Variants in AUTS2 observed in about 807,000 individuals in gnomAD.
The protein encoded by AUTS2 is autism susceptibility gene 2 protein.
In AUTS2, 17 loss-of-function variants were observed where a neutral mutation model predicts 112.4. The observed-to-expected ratio is 0.15, with a 90% CI of 0.10 to 0.23. The LOEUF is 0.23. Ranked by LOEUF, AUTS2 falls within the 10% of genes least tolerant of loss-of-function variation. The pLI, the probability that AUTS2 is intolerant of heterozygous loss-of-function variation, is 1.00. For missense variants in AUTS2, 1,510 were observed against 1,701.6 expected (o/e 0.89, Z 1.98); for synonymous variants, 751 against 702.7 (o/e 1.07, Z -1.09).
At chr7:70,306,408 C>G (rs531590545) in intron 4 of AUTS2, among the ~76,000 whole-genome samples, 1 of 152,202 alleles carries the variant, frequency 6.6e-6, no homozygotes, top group Non-Finnish European at 1.5e-5. Flanking sequence ...TTTCCCGCTG[C>G]TCTGTCAACT....
At chr7:69,775,374 C>T (rs143043270) in intron 1 of AUTS2, among the ~76,000 whole-genome samples, 9 of 152,314 alleles carry the variant, frequency 5.9e-5, no homozygotes, top group East Asian at 1.9e-4. Flanking sequence ...GCAGTCATCA[C>T]GGCTTTTAGG....
chr7:70,274,070 T>C (rs1311510133), intron 4 of AUTS2, among the ~76,000 whole-genome samples: 2 of 152,174 alleles, frequency 1.3e-5, no homozygotes, highest in East Asian at 3.9e-4. Context: ...TCTCTTTTGA[T>C]GTCTGTAAGC....
intron 4 of AUTS2, among the ~76,000 whole-genome samples, chr7:70,279,196 T>G (rs1788086221): frequency 6.6e-6 from 1 of 152,238 alleles, no homozygotes; most frequent in South Asian, 2.1e-4. Flanking sequence ...TTTTGCAGCT[T>G]ATTTGATGGG....
At chr7:70,244,935 C>G (rs191295005) in intron 4 of AUTS2, among the ~76,000 whole-genome samples, 3 of 151,780 alleles carry the variant, frequency 2.0e-5, no homozygotes, top group African/African-American at 7.3e-5. Flanking sequence ...GTCTGGCCAA[C>G]ATGGTAAAAC....
Position 70,204,431 on chromosome 7 carries a change from A to G in AUTS2, c.660+69860A>G, listed in dbSNP as rs192494724. Among the ~76,000 whole-genome samples, 60 of 152,286 alleles carry G rather than the reference A, an allele frequency of 3.9e-4. No homozygotes were observed. The East Asian group carries it at 0.011, about 27-fold the overall frequency. ...TAATTGAGTCAGCCTTTAACATAGTAATCCATTTTGCATTATTCAGCTTTG... is the reference window on the plus strand; with the variant it reads ...TAATTGAGTCAGCCTTTAACATAGTGATCCATTTTGCATTATTCAGCTTTG... On this transcript the variant is annotated intron_variant, in intron 4 of 18. Coordinates refer to ENST00000342771, the MANE Select transcript of AUTS2 (RefSeq NM_015570.4).
chr7:70,011,470 T>A (rs1799806005), intron 2 of AUTS2, among the ~76,000 whole-genome samples: 1 of 152,178 alleles, frequency 6.6e-6, no homozygotes, highest in South Asian at 2.1e-4. Flanking sequence ...GTAAGTTACT[T>A]AGCTGTAACT....
intron 2 of AUTS2, among the ~76,000 whole-genome samples, chr7:70,079,893 A>C (rs751679734): frequency 1.1e-4 from 17 of 152,174 alleles, no homozygotes; most frequent in Non-Finnish European, 7.3e-5. Context: ...ATATCTGGTG[A>C]GGACCTTCTT....
In AUTS2 at chr7:69,599,770, G is replaced by T. The variant is rs1362280228; in HGVS notation, c.117G>T (p.Gly39=). Residue 39 remains glycine (G), a synonymous_variant, in exon 1 of 19, where the codon GGG becomes GGT. Transcript: ENST00000342771. The surrounding 1 kb of genome is among the most constrained non-coding windows in gnomAD (Gnocchi z 7.0). ...GLGAGAAGGG[G]AGRTRALSLA... ...GGGCCGGCGCGGCCGGCGGCGGCGG[G>T]GCTGGCCGGACCCGGGCGCTCTCAC... 5.4e-6 allele frequency: 8 copies of T among 1,477,532 alleles called. No individual in the cohort carries two copies. Among genetic ancestry groups the T allele is most frequent in the South Asian group, 2.7e-5 (2 of 75,350 alleles). The allele number at this position is 1,477,532 out of a possible 1,614,324, so 91.5% of individuals were successfully genotyped here. A position where few individuals can be genotyped will look rare whatever the true frequency, so the allele number is the denominator to read the frequency against.
At chr7:70,485,363 T>C (rs996646051) in intron 5 of AUTS2, among the ~76,000 whole-genome samples, 40 of 152,218 alleles carry the variant, frequency 2.6e-4, no homozygotes, top group Admixed American at 2.2e-3. Context: ...AGTGAAGTAA[T>C]TCAAGAATGG....
intron 1 of AUTS2, among the ~76,000 whole-genome samples, chr7:69,792,293 G>A (rs1439410524): frequency 6.6e-6 from 1 of 150,772 alleles, no homozygotes; most frequent in East Asian, 1.9e-4. Flanking sequence ...AGGCTGGAGC[G>A]CAGTGGCGCA....
intron 5 of AUTS2, among the ~76,000 whole-genome samples, chr7:70,457,920 G>A (rs1376948191): frequency 2.0e-5 from 3 of 152,102 alleles, no homozygotes; most frequent in Non-Finnish European, 4.4e-5. Flanking sequence ...GGTTTTGCTG[G>A]AACACCCACT....
chr7:69,817,208 C>T (rs1790800213), intron 1 of AUTS2, among the ~76,000 whole-genome samples: 1 of 152,166 alleles, frequency 6.6e-6, no homozygotes, highest in African/African-American at 2.4e-5. Context: ...CTGACAATTG[C>T]ATAGTAAAGG....
chr7:69,715,527 C>A (rs1190417971), intron 1 of AUTS2, among the ~76,000 whole-genome samples: 5 of 152,132 alleles, frequency 3.3e-5, no homozygotes, highest in Admixed American at 3.3e-4. Flanking sequence ...CTTGGAGGAT[C>A]ATATGCTCAG....
chr7:70,194,254 AC>A (rs1197214744), intron 4 of AUTS2, among the ~76,000 whole-genome samples: 2 of 152,146 alleles, frequency 1.3e-5, no homozygotes, highest in African/African-American at 4.8e-5. Context: ...TACTAAAAAT[AC>A]AAAAATTAGC....
chr7:70,176,009 A>G (rs561454065), intron 4 of AUTS2, among the ~76,000 whole-genome samples: 6 of 152,292 alleles, frequency 3.9e-5, no homozygotes, highest in African/African-American at 7.2e-5. Context: ...TAGTATGACT[A>G]TCTCACATAA....
chr7:69,867,689 T>C (rs1793295586), intron 1 of AUTS2, among the ~76,000 whole-genome samples: 1 of 152,210 alleles, frequency 6.6e-6, no homozygotes, highest in South Asian at 2.1e-4. Context: ...TTTTTGTTCA[T>C]CTAACTTAAG....
In AUTS2 at chr7:69,899,325, C is replaced by A; in HGVS notation, c.349C>A (p.Arg117Ser). 6.2e-7 allele frequency: 1 copy of A among 1,613,936 alleles called. No individual in the cohort carries two copies. The highest frequency in any genetic ancestry group is 8.5e-7 in the Non-Finnish European group (1 of 1,179,888). Residue 117 changes from arginine (R) to serine (S), a missense_variant, in exon 2 of 19, where the codon CGC (arginine) becomes AGC (serine). By Grantham distance (110) the Arg-to-Ser change is moderately radical. Transcript: ENST00000342771. ...ALKPQERVEK[R>S]QTPLTKKKRE... Reference sequence around the variant, plus strand: ...TAAGCCTCAGGAACGTGTGGAGAAACGCCAGACGCCCCTGACCAAGAAGAA... The same window carrying A: ...TAAGCCTCAGGAACGTGTGGAGAAAAGCCAGACGCCCCTGACCAAGAAGAA...
chr7:69,704,403 G>A (rs1797961879), intron 1 of AUTS2, among the ~76,000 whole-genome samples: 2 of 151,674 alleles, frequency 1.3e-5, no homozygotes, highest in Admixed American at 6.6e-5. Context: ...TCAGCCTCCC[G>A]AGTAGCTGGG....
intron 7 of AUTS2, 83 bp from the exon 8 acceptor site, chr7:70,764,669 G>C: frequency 1.5e-6 from 1 of 678,792 alleles, no homozygotes; most frequent in Non-Finnish European, 2.7e-6. Context: ...GGGTTTAGGG[G>C]AAGGAGGTAG....
Sources: gnomAD v4.1 joint callset for allele counts (sites outside exome capture counted in the v4.1 genomes callset) on GRCh38, gnomAD v4.1.1 for gene constraint, Gnocchi (gnomAD v3.1) non-coding constraint, MANE v1.5 for transcripts, NCBI Gene and HGNC (gene_info 2026-07-23, HGNC 2026-07-21) for gene names.